Variants in LPP observed in about 807,000 individuals in gnomAD.
LPP encodes the protein LIM domain containing preferred translocation partner in lipoma.
LPP carries 38 observed loss-of-function variants against 60.4 expected under a neutral mutation model. The observed-to-expected ratio is 0.63, with a 90% CI of 0.49 to 0.83. LPP has a LOEUF of 0.83. Among genes scored for constraint, LPP ranks in the 40% least tolerant of loss-of-function variants. The pLI, the probability that LPP is intolerant of heterozygous loss-of-function variation, is 0.00. For missense variants in LPP, 902 were observed against 783.6 expected, an observed-to-expected ratio of 1.15 and a Z score of -1.80; for synonymous variants, 328 against 290.8, an observed-to-expected ratio of 1.13 and a Z score of -1.30.
At chr3:188,653,996 G>T (rs573652498) in intron 7 of LPP, among the ~76,000 whole-genome samples, 3 of 152,160 alleles carry the variant, frequency 2.0e-5, no homozygotes, top group African/African-American at 2.4e-5. Context: ...TCCCTTGTCC[G>T]CTGTGACCTT....
At chr3:188,697,040 T>C (rs1863400473) in intron 7 of LPP, among the ~76,000 whole-genome samples, 1 of 152,342 alleles carries the variant, frequency 6.6e-6, no homozygotes, top group East Asian at 1.9e-4. Flanking sequence ...GATACTTTGA[T>C]TTGATTTTCA....
At chr3:188,377,316 C>A (rs1468675333) in intron 3 of LPP, among the ~76,000 whole-genome samples, 1 of 152,208 alleles carries the variant, frequency 6.6e-6, no homozygotes, top group Non-Finnish European at 1.5e-5. Flanking sequence ...AACTTGGTTT[C>A]ATTCTCCCCG....
chr3:188,684,447 A>G (rs922764719), intron 7 of LPP, among the ~76,000 whole-genome samples: 1 of 152,218 alleles, frequency 6.6e-6, no homozygotes, highest in Non-Finnish European at 1.5e-5. Context: ...CCTAATGCCT[A>G]TTAAGTTCTT....
chr3:188,728,167 T>G (rs1461357724), intron 8 of LPP, among the ~76,000 whole-genome samples: 1 of 152,148 alleles, frequency 6.6e-6, no homozygotes, highest in Non-Finnish European at 1.5e-5. Flanking sequence ...CTAGATCCAC[T>G]GAGAAAATAT....
intron 1 of LPP, among the ~76,000 whole-genome samples, chr3:188,187,458 A>C (rs186759455): frequency 6.6e-6 from 1 of 152,078 alleles, no homozygotes; most frequent in Admixed American, 6.5e-5. Context: ...ATAGATAATA[A>C]ATAAGCTTCT....
chr3:188,276,138 T>G (rs1372717749), intron 2 of LPP, among the ~76,000 whole-genome samples: 1 of 152,226 alleles, frequency 6.6e-6, no homozygotes, highest in African/African-American at 2.4e-5. Context: ...TCTTTCATTC[T>G]GTCCTTTCCT....
chr3:188,239,624 T>C (rs573899833), intron 2 of LPP, among the ~76,000 whole-genome samples: 1 of 152,336 alleles, frequency 6.6e-6, no homozygotes, highest in African/African-American at 2.4e-5. Context: ...CCTTTGACAT[T>C]TTTAGTTTCT....
intron 9 of LPP, among the ~76,000 whole-genome samples, chr3:188,840,621 C>A (rs890710135): frequency 1.3e-5 from 2 of 152,194 alleles, no homozygotes; most frequent in Non-Finnish European, 2.9e-5. Flanking sequence ...ACCTCAGCCT[C>A]TCAAGTAACT....
rs189645453 is a variant in LPP at position 188,164,895 on chromosome 3, C to T, written c.-190+10643C>T. Among the ~76,000 whole-genome samples the T allele has an allele frequency of 1.1e-4, 16 of 152,052 alleles. No homozygotes were observed. The South Asian group carries it at 3.1e-3, about 30-fold the overall frequency. On this transcript the variant is annotated intron_variant, in intron 1 of 11. Coordinates refer to ENST00000617246, the MANE Select transcript of LPP (RefSeq NM_001375462.1). The stretch of plus-strand genomic sequence containing the variant: ...AGTGATATGTTACTCTGGGTTTCGA[C>T]GATGGAAACGTGAATGCAGTGTGGT...
rs189266258 is a variant in LPP at position 188,332,693 on chromosome 3, A to G, written c.-66-8970A>G. Among the ~76,000 whole-genome samples the G allele has an allele frequency of 2.0e-5, 3 of 152,354 alleles. No individual in the cohort carries two copies. In the East Asian group the frequency reaches 5.8e-4, roughly 29 times the overall value. ...GTAATTTTAGTGATCCAGATATAAA[A>G]CTAGGCATTATGGTAGTTTTAAGAA... On this transcript the variant is annotated intron_variant, in intron 2 of 11. Transcript: ENST00000617246.
chr3:188,240,447 T>G (rs935466643), intron 2 of LPP, among the ~76,000 whole-genome samples: 2 of 151,838 alleles, frequency 1.3e-5, no homozygotes, highest in East Asian at 1.9e-4. Flanking sequence ...TGTTTGACAG[T>G]AGCAACTTCA....
intron 8 of LPP, among the ~76,000 whole-genome samples, chr3:188,754,071 A>T (rs924655492): frequency 1.3e-5 from 2 of 152,300 alleles, no homozygotes; most frequent in African/African-American, 4.8e-5. Context: ...AGTTTGATGT[A>T]TGATGTGATA....
chr3:188,292,394 T>G (rs1746298469), intron 2 of LPP, among the ~76,000 whole-genome samples: 1 of 152,206 alleles, frequency 6.6e-6, no homozygotes, highest in Non-Finnish European at 1.5e-5. Flanking sequence ...TCTAAGGTGG[T>G]CAATACCTCT....
chr3:188,435,209 A>G (rs996964671), intron 4 of LPP, among the ~76,000 whole-genome samples: 2 of 152,182 alleles, frequency 1.3e-5, no homozygotes, highest in Non-Finnish European at 2.9e-5. Flanking sequence ...TATTGATAAT[A>G]ATAGGATGTT....
At chr3:188,327,273 T>C (rs1464983904) in intron 2 of LPP, among the ~76,000 whole-genome samples, 1 of 152,218 alleles carries the variant, frequency 6.6e-6, no homozygotes, top group African/African-American at 2.4e-5. Flanking sequence ...CCTCTAATAA[T>C]ATACGGTTAG....
chr3:188,294,837 G>C (rs1176207024), intron 2 of LPP, among the ~76,000 whole-genome samples: 1 of 152,214 alleles, frequency 6.6e-6, no homozygotes, highest in East Asian at 1.9e-4. Context: ...CTTTGATAAT[G>C]AGCCCCAGAA....
chr3:188,778,081 T>G (rs1738401340), intron 9 of LPP, among the ~76,000 whole-genome samples: 1 of 152,208 alleles, frequency 6.6e-6, no homozygotes, highest in Non-Finnish European at 1.5e-5. Flanking sequence ...TCCAAGTATC[T>G]TATTTTTACT....
intron 4 of LPP, among the ~76,000 whole-genome samples, chr3:188,421,773 C>G (rs1488371742): frequency 1.3e-5 from 2 of 152,132 alleles, no homozygotes; most frequent in Non-Finnish European, 2.9e-5. Context: ...ACAAAAGATT[C>G]AACCACATCG....
chr3:188,690,892 A>G (rs1158245184), intron 7 of LPP, among the ~76,000 whole-genome samples: 1 of 152,150 alleles, frequency 6.6e-6, no homozygotes, highest in Non-Finnish European at 1.5e-5. Flanking sequence ...TTCATCTAGT[A>G]TAATCCCTAT....
Sources: allele counts gnomAD v4.1 joint callset (sites outside exome capture counted in the v4.1 genomes callset), GRCh38; gene constraint gnomAD v4.1.1; transcripts MANE v1.5; gene names NCBI Gene and HGNC (gene_info 2026-07-23, HGNC 2026-07-21).